CAST: variants seen among roughly 807,000 people sequenced by gnomAD.
CAST encodes MIR583 host.
In CAST, 76 loss-of-function variants were observed where a neutral mutation model predicts 119.6. The ratio of observed to expected loss-of-function variants is 0.64; its 90% CI spans 0.53 to 0.77. CAST has a LOEUF of 0.77. CAST is among the 30% of genes least tolerant of loss of function. CAST has a pLI of 0.00. For synonymous variants in CAST, 319 were observed against 331.6 expected, an observed-to-expected ratio of 0.96 and a Z score of 0.41; for missense variants, 953 against 946.5, an observed-to-expected ratio of 1.01 and a Z score of -0.09.
chr5:96,189,443 T>C, the CAST span, among the ~76,000 whole-genome samples: 1 of 152,224 alleles, frequency 6.6e-6, no homozygotes. Flanking sequence ...TATTCCTCAA[T>C]ATATGTCTAA....
chr5:96,006,076 C>T, the CAST span, among the ~76,000 whole-genome samples: 3 of 151,964 alleles, frequency 2.0e-5, no homozygotes, highest in African/African-American at 7.3e-5. Context: ...GAGTGAATAC[C>T]TAAGTTTAAC....
intron 1 of CAST, among the ~76,000 whole-genome samples, chr5:96,561,796 G>GTTTTTTTGTTTTTTTT (rs1267067922): frequency 1.0e-5 from 1 of 97,422 alleles, no homozygotes; most frequent in African/African-American, 3.8e-5. Context: ...GTTTTTTTTT[G>GTTTTTTTGTTTTTTTT]TTTTTTTTTT....
At chr5:96,743,486 A>G in intron 16 of CAST, 1 of 1,203,552 alleles carries the variant, frequency 8.3e-7, no homozygotes, top group Non-Finnish European at 1.1e-6. Context: ...CACCTCCATC[A>G]GCTCAGGCTG....
chr5:96,251,362 A>C, the CAST span, among the ~76,000 whole-genome samples: 1 of 152,208 alleles, frequency 6.6e-6, no homozygotes, highest in African/African-American at 2.4e-5. Context: ...TGATATTTTA[A>C]GAAATTATTC....
intron 2 of CAST, among the ~76,000 whole-genome samples, chr5:96,681,940 G>A (rs562770160): frequency 3.4e-5 from 5 of 148,294 alleles, no homozygotes; most frequent in East Asian, 4.0e-4. Context: ...AGTTACCCAC[G>A]GTACAATACA....
At chr5:96,301,349 G>T in the CAST span, among the ~76,000 whole-genome samples, 1 of 152,034 alleles carries the variant, frequency 6.6e-6, no homozygotes, top group Non-Finnish European at 1.5e-5. Flanking sequence ...TTTGGCTGGG[G>T]ACACAGAGCC....
chr5:96,288,264 A>G, the CAST span, among the ~76,000 whole-genome samples: 1 of 152,176 alleles, frequency 6.6e-6, no homozygotes, highest in Non-Finnish European at 1.5e-5. Context: ...TTTCCTCCTC[A>G]CATTTGGAGA....
chr5:96,039,103 T>A, the CAST span, among the ~76,000 whole-genome samples: 2 of 152,206 alleles, frequency 1.3e-5, no homozygotes, highest in Admixed American at 1.3e-4. Context: ...GGTTTTGATT[T>A]GCATTTCTCT....
chr5:96,215,900 C>T, the CAST span, among the ~76,000 whole-genome samples: 56 of 152,266 alleles, frequency 3.7e-4, no homozygotes, highest in Non-Finnish European at 7.5e-4. Context: ...CTCTGCCTCT[C>T]GGGTACAAGT....
the CAST span, among the ~76,000 whole-genome samples, chr5:96,048,095 T>C: frequency 1.3e-5 from 2 of 152,190 alleles, no homozygotes; most frequent in Non-Finnish European, 2.9e-5. Flanking sequence ...TGAGCACCTA[T>C]TATGCACTTA....
At chr5:95,961,529 G>T in the CAST span, 1 of 1,493,994 alleles carries the variant, frequency 6.7e-7, no homozygotes, top group Non-Finnish European at 8.9e-7. Context: ...GCCGTGAGGG[G>T]TGCGCTCTGC....
At chr5:96,115,800 G>A in the CAST span, among the ~76,000 whole-genome samples, 1 of 152,094 alleles carries the variant, frequency 6.6e-6, no homozygotes, top group Non-Finnish European at 1.5e-5. Context: ...TGTTTAATGG[G>A]TTCATTCTGA....
At chr5:96,402,296 G>T in the CAST span, among the ~76,000 whole-genome samples, 1 of 152,242 alleles carries the variant, frequency 6.6e-6, no homozygotes, top group African/African-American at 2.4e-5. Flanking sequence ...TCCCCATGCA[G>T]ACACAGTGTG....
At chr5:96,482,139 T>G in the CAST span, among the ~76,000 whole-genome samples, 1 of 152,082 alleles carries the variant, frequency 6.6e-6, no homozygotes, top group Admixed American at 6.6e-5. Flanking sequence ...AGATCTGACC[T>G]TTGCTGAAGA....
At chr5:96,436,792 A>G in the CAST span, among the ~76,000 whole-genome samples, 1 of 152,188 alleles carries the variant, frequency 6.6e-6, no homozygotes, top group African/African-American at 2.4e-5. Flanking sequence ...AGTATACACA[A>G]AGACTGATAT....
the CAST span, among the ~76,000 whole-genome samples, chr5:96,493,791 C>A: frequency 6.6e-6 from 1 of 152,188 alleles, no homozygotes; most frequent in Non-Finnish European, 1.5e-5. Flanking sequence ...GTAATCCCAG[C>A]ACTTTGGGAG....
Position 96,740,296 on chromosome 5 carries a change from C to T in CAST, c.879+178C>T, listed in dbSNP as rs182397015. On this transcript the variant is annotated intron_variant, in intron 12 of 31. Transcript: ENST00000675179. ...CTGCTGTTAAGAAAGTACCACAGAT[C>T]GGGGCATAAACAAGAGATTGATTGT... Among the ~76,000 whole-genome samples the T allele has an allele frequency of 1.4e-3, 213 of 152,212 alleles. 2 individuals carry two copies. The highest frequency in any genetic ancestry group is 5.0e-3 in the African/African-American group (206 of 41,540).
the CAST span, chr5:95,980,514 A>C: frequency 6.6e-6 from 1 of 152,304 alleles, no homozygotes; most frequent in Admixed American, 6.5e-5. Context: ...CGCAAAATGA[A>C]AATGTGGAGC....
At chr5:96,076,006 G>C in the CAST span, among the ~76,000 whole-genome samples, 1 of 152,158 alleles carries the variant, frequency 6.6e-6, no homozygotes, top group African/African-American at 2.4e-5. Context: ...AGAAGTGAAC[G>C]TTGTCTGGGC....
Sources: gnomAD v4.1 joint callset for allele counts (sites outside exome capture counted in the v4.1 genomes callset) on GRCh38, gnomAD v4.1.1 for gene constraint, MANE v1.5 for transcripts, NCBI Gene and HGNC (gene_info 2026-07-23, HGNC 2026-07-21) for gene names.